NLGN4X: variants seen among roughly 807,000 people sequenced by gnomAD.
The protein encoded by NLGN4X is neuroligin 4 X-linked, also known as neuroligin-4, X-linked.
A neutral mutation model predicts 40.3 loss-of-function variants in NLGN4X; 3 were observed. That is an observed-to-expected ratio of 0.07 (90% CI 0.03 to 0.19). The LOEUF (loss-of-function observed/expected upper bound fraction) is 0.19, where lower values mean the gene tolerates loss of function less well. NLGN4X is among the 10% of genes least tolerant of loss of function. NLGN4X has a pLI of 1.00. For missense variants in NLGN4X, 382 were observed against 708.3 expected (o/e 0.54, Z 5.23); for synonymous variants, 270 against 306.8 (o/e 0.88, Z 1.25).
At chrX:5,901,832 A>G (rs2031886918) in intron 5 of NLGN4X, among the ~76,000 whole-genome samples, 1 of 106,156 alleles carries the variant, frequency 9.4e-6, no homozygotes, top group Admixed American at 1.0e-4. Context: ...ATTTGTATAT[A>G]TATTTGTATT....
intron 1 of NLGN4X, among the ~76,000 whole-genome samples, chrX:6,153,384 A>T (rs929067343): frequency 8.9e-6 from 1 of 111,989 alleles, no homozygotes; most frequent in Non-Finnish European, 1.9e-5. Flanking sequence ...CCAATGACTG[A>T]TTTAGGTGTT....
At chrX:6,047,844 G>A (rs897502212) in intron 2 of NLGN4X, among the ~76,000 whole-genome samples, 3 of 111,617 alleles carry the variant, frequency 2.7e-5, no homozygotes, top group Admixed American at 9.5e-5. Flanking sequence ...ACCCCACATG[G>A]GCCCTCCATA....
intron 3 of NLGN4X, among the ~76,000 whole-genome samples, chrX:5,919,786 G>A (rs1479660688): frequency 8.9e-6 from 1 of 111,733 alleles, no homozygotes; most frequent in Non-Finnish European, 1.9e-5. Flanking sequence ...ATTATCTTCC[G>A]TGAAATCAGT....
chrX:5,903,202 C>T lies in NLGN4X; in HGVS notation c.1476G>A (p.Glu492=), dbSNP rs9785605. The T allele has an allele frequency of 1.5e-5, 18 of 1,210,490 alleles. No homozygotes were observed. The highest frequency in any genetic ancestry group is 5.9e-5 in the East Asian group (2 of 33,745). Residue 492 remains glutamate, a synonymous_variant, in exon 5 of 6, where the codon GAG becomes GAA. Coordinates refer to ENST00000381095, the MANE Select transcript of NLGN4X (RefSeq NM_181332.3). The part of the protein sequence containing the change: ...PSWADSAHGD[E]VPYVFGIPMI... ...TGGGGATGCCGAAGACATAGGGGAC[C>T]TCATCACCATGGGCCGAATCTGCCC...
intron 1 of NLGN4X, among the ~76,000 whole-genome samples, chrX:6,174,837 T>C (rs1426689001): frequency 9.0e-6 from 1 of 111,434 alleles, no homozygotes; most frequent in African/African-American, 3.3e-5. Context: ...GTGGTCACTA[T>C]GCTTACCACC....
At chrX:5,985,481 G>C (rs1342452880) in intron 3 of NLGN4X, among the ~76,000 whole-genome samples, 1 of 109,832 alleles carries the variant, frequency 9.1e-6, no homozygotes, top group African/African-American at 3.3e-5. Flanking sequence ...ATGAGGTCTT[G>C]CTATGTTCCT....
chrX:6,131,358 T>C (rs1412520502), intron 2 of NLGN4X, among the ~76,000 whole-genome samples: 1 of 111,985 alleles, frequency 8.9e-6, no homozygotes, highest in Non-Finnish European at 1.9e-5. Flanking sequence ...CCCTATCTAA[T>C]CCATTCTCAC....
At chrX:6,030,501 G>GT (rs199598122) in intron 2 of NLGN4X, among the ~76,000 whole-genome samples, 1,111 of 104,945 alleles carry the variant, frequency 0.011, 11 homozygotes, top group African/African-American at 0.033. Flanking sequence ...CATCAATAAA[G>GT]TTTTTTTTTC....
At chrX:6,026,280 CAGG>C (rs2036693036) in intron 3 of NLGN4X, among the ~76,000 whole-genome samples, 1 of 110,770 alleles carries the variant, frequency 9.0e-6, no homozygotes, top group Non-Finnish European at 1.9e-5. Flanking sequence ...TTCCATTCCT[CAGG>C]TAGGAAGATA....
At chrX:5,909,275 T>C (rs776277591) in intron 3 of NLGN4X, 36 bp from the exon 4 acceptor site, 4 of 1,183,342 alleles carry the variant, frequency 3.4e-6, no homozygotes, top group South Asian at 1.8e-5. Context: ...GGTGGCCAAA[T>C]AGAAAAAGTG....
intron 2 of NLGN4X, among the ~76,000 whole-genome samples, chrX:6,031,756 C>T (rs1205612395): frequency 9.5e-6 from 1 of 105,789 alleles, no homozygotes; most frequent in East Asian, 3.0e-4. Flanking sequence ...GAAGGGCTTG[C>T]TTGAGTACTT....
At chrX:6,123,254 A>C (rs1267083695) in intron 2 of NLGN4X, among the ~76,000 whole-genome samples, 1 of 112,014 alleles carries the variant, frequency 8.9e-6, no homozygotes, top group Non-Finnish European at 1.9e-5. Flanking sequence ...GGCGATGTGC[A>C]AAGGAATGAA....
At chrX:6,079,976 GCTCT>G (rs941734311) in intron 2 of NLGN4X, among the ~76,000 whole-genome samples, 1 of 110,890 alleles carries the variant, frequency 9.0e-6, no homozygotes, top group Non-Finnish European at 1.9e-5. Context: ...CTGTGAAAAT[GCTCT>G]CTGTTTCCTG....
At chrX:6,105,587 G>A (rs1043569957) in intron 2 of NLGN4X, among the ~76,000 whole-genome samples, 1 of 111,312 alleles carries the variant, frequency 9.0e-6, no homozygotes, top group Non-Finnish European at 1.9e-5. Context: ...ATGTTAATGG[G>A]GAAATTACCA....
Position 6,221,702 on chromosome X carries a change from G to A in NLGN4X, c.-306+6839C>T, listed in dbSNP as rs1341953111. On this transcript the variant is annotated intron_variant, in intron 1 of 5. Transcript: ENST00000381095. ...CAGAGTTATAGTCACAGAGAGTACTGAAGAGTGGAATAAGTTAAAGGCACT... is the reference window on the plus strand; with the variant it reads ...CAGAGTTATAGTCACAGAGAGTACTAAAGAGTGGAATAAGTTAAAGGCACT... 2.7e-5 allele frequency among the ~76,000 whole-genome samples: 3 copies of A among 110,028 alleles called. No individual in the cohort carries two copies. In the Admixed American group the frequency reaches 2.9e-4, roughly 11 times the overall value.
At chrX:5,929,924 G>A (rs2033487532) in intron 3 of NLGN4X, among the ~76,000 whole-genome samples, 1 of 112,047 alleles carries the variant, frequency 8.9e-6, no homozygotes, top group African/African-American at 3.2e-5. Context: ...ATTATCTAAT[G>A]GGAAAAAACT....
chrX:5,921,140 TATATATAC>T (rs1321728996), intron 3 of NLGN4X, among the ~76,000 whole-genome samples: 5 of 46,517 alleles, frequency 1.1e-4, no homozygotes, highest in African/African-American at 4.1e-4. Context: ...TTTTTATATA[TATATATAC>T]ATATATATAT....
At chrX:6,196,259 T>C (rs1923034816) in intron 1 of NLGN4X, among the ~76,000 whole-genome samples, 1 of 111,540 alleles carries the variant, frequency 9.0e-6, no homozygotes, top group Non-Finnish European at 1.9e-5. Context: ...TGGAACAAAA[T>C]ATTCCCACTG....
At chrX:6,178,577 T>C (rs141462548) in intron 1 of NLGN4X, among the ~76,000 whole-genome samples, 2,666 of 112,223 alleles carry the variant, frequency 0.024, 77 homozygotes, top group African/African-American at 0.079. Context: ...GCTAGCAGAA[T>C]GAAATACGAC....
Sources: allele counts gnomAD v4.1 joint callset (sites outside exome capture counted in the v4.1 genomes callset), GRCh38; gene constraint gnomAD v4.1.1; transcripts MANE v1.5; gene names NCBI Gene and HGNC (gene_info 2026-07-23, HGNC 2026-07-21).